ABI2: variants seen among roughly 807,000 people sequenced by gnomAD.
The protein encoded by ABI2 is abelson interactor 2.
ABI2 carries 25 observed loss-of-function variants against 59.2 expected under a neutral mutation model. The ratio of observed to expected loss-of-function variants is 0.42; its 90% CI spans 0.31 to 0.59. ABI2 has a LOEUF of 0.59. Among genes scored for constraint, ABI2 ranks in the 20% least tolerant of loss-of-function variants. The pLI is 0.14. For missense variants in ABI2, 545 were observed against 681.8 expected, an observed-to-expected ratio of 0.80 and a Z score of 2.23; for synonymous variants, 213 against 235.5, an observed-to-expected ratio of 0.90 and a Z score of 0.87.
chr2:203,329,957 G>C (rs182625459), intron 1 of ABI2, among the ~76,000 whole-genome samples: 1 of 152,158 alleles, frequency 6.6e-6, no homozygotes, highest in East Asian at 1.9e-4. Context: ...GACTGGTCTC[G>C]AACTCCTGAC....
intron 1 of ABI2, among the ~76,000 whole-genome samples, chr2:203,347,096 G>T (rs1247906657): frequency 6.6e-6 from 1 of 152,170 alleles, no homozygotes; most frequent in African/African-American, 2.4e-5. Context: ...GCCCTAACAT[G>T]TGCATCAGGT....
intron 1 of ABI2, among the ~76,000 whole-genome samples, chr2:203,362,512 A>G (rs1053559229): frequency 6.6e-6 from 1 of 151,700 alleles, no homozygotes; most frequent in African/African-American, 2.4e-5. Context: ...TTCTACTGGT[A>G]TTTTATTTAT....
chr2:203,337,599 C>G (rs761521136), intron 1 of ABI2, among the ~76,000 whole-genome samples: 2 of 152,190 alleles, frequency 1.3e-5, no homozygotes, highest in Non-Finnish European at 2.9e-5. Flanking sequence ...CAATCTCTAT[C>G]AATATTCCAA....
intron 10 of ABI2, 84 bp from the exon 11 acceptor site, chr2:203,416,824 T>C (rs2097912541): frequency 8.7e-6 from 12 of 1,377,162 alleles, no homozygotes; most frequent in Non-Finnish European, 1.1e-5. Flanking sequence ...TCTAGGTTTA[T>C]ATTCCATGAA....
intron 1 of ABI2, among the ~76,000 whole-genome samples, chr2:203,333,811 C>T (rs948154654): frequency 3.3e-5 from 5 of 152,150 alleles, no homozygotes; most frequent in Admixed American, 6.6e-5. Context: ...TCATAATTTC[C>T]GTTATTGATC....
At chr2:203,358,113 GTTTGTT>G (rs375216747) in intron 1 of ABI2, among the ~76,000 whole-genome samples, 71 of 92,630 alleles carry the variant, frequency 7.7e-4, no homozygotes, top group Middle Eastern at 5.4e-3. Flanking sequence ...GTGTGTGTGT[GTTTGTT>G]TGTTTGTTTG....
chr2:203,356,998 TA>T (rs1188296881), intron 1 of ABI2, among the ~76,000 whole-genome samples: 1 of 151,788 alleles, frequency 6.6e-6, no homozygotes, highest in Non-Finnish European at 1.5e-5. Context: ...AAAAGAAAAC[TA>T]AAAAACGATT....
At chr2:203,419,063 A>C (rs2098053209) in intron 11 of ABI2, among the ~76,000 whole-genome samples, 1 of 151,566 alleles carries the variant, frequency 6.6e-6, no homozygotes, top group South Asian at 2.1e-4. Context: ...ATGTCAACCC[A>C]GTGTTCTTTA....
chr2:203,373,323 C>T (rs1049667431), intron 2 of ABI2, among the ~76,000 whole-genome samples: 5 of 152,236 alleles, frequency 3.3e-5, no homozygotes, highest in East Asian at 1.9e-4. Context: ...ACCAGTCAGG[C>T]GTGGCGGCGC....
At chr2:203,332,879 C>T (rs1158313115) in intron 1 of ABI2, among the ~76,000 whole-genome samples, 2 of 152,140 alleles carry the variant, frequency 1.3e-5, no homozygotes, top group African/African-American at 4.8e-5. Context: ...TGACAGTTCA[C>T]ATAGATGCAT....
At chr2:203,385,762 A>T (rs1297256927) in intron 4 of ABI2, among the ~76,000 whole-genome samples, 3 of 152,328 alleles carry the variant, frequency 2.0e-5, no homozygotes, top group African/African-American at 7.2e-5. Flanking sequence ...TCCAACCTTA[A>T]GCCATCAATT....
chr2:203,364,044 G>T (rs748027386), intron 1 of ABI2, among the ~76,000 whole-genome samples: 3 of 151,320 alleles, frequency 2.0e-5, no homozygotes, highest in Non-Finnish European at 4.4e-5. Flanking sequence ...AATTATAGGC[G>T]TGAGCCATGG....
At chr2:203,356,473 A>T (rs150442479) in intron 1 of ABI2, among the ~76,000 whole-genome samples, 1 of 151,966 alleles carries the variant, frequency 6.6e-6, no homozygotes, top group Non-Finnish European at 1.5e-5. Context: ...GGTTTGAGCA[A>T]TTCTCCTGCC....
At chr2:203,409,432 A>G (rs946532893) in intron 9 of ABI2, among the ~76,000 whole-genome samples, 3 of 152,156 alleles carry the variant, frequency 2.0e-5, no homozygotes, top group Non-Finnish European at 2.9e-5. Flanking sequence ...AACTGTAGAT[A>G]TTTTGCATAA....
At chr2:203,419,386 C>T (rs1281767569) in intron 11 of ABI2, among the ~76,000 whole-genome samples, 7 of 146,476 alleles carry the variant, frequency 4.8e-5, no homozygotes, top group African/African-American at 1.8e-4. Context: ...GCGTGAGCCA[C>T]GAGGCAGAGT....
chr2:203,402,171 A>G (rs4675338), intron 8 of ABI2, among the ~76,000 whole-genome samples: 9,384 of 152,044 alleles, frequency 0.062, 408 homozygotes, highest in Admixed American at 0.083. Context: ...AGTAGCTGGA[A>G]TTACAGGCGC....
chr2:203,341,900 T>C (rs1442980611), intron 1 of ABI2, among the ~76,000 whole-genome samples: 2 of 152,190 alleles, frequency 1.3e-5, no homozygotes, highest in Non-Finnish European at 2.9e-5. Flanking sequence ...AGTTACTTAG[T>C]GCAGGACTTA....
chr2:203,363,468 A>C (rs2093837521), intron 1 of ABI2, among the ~76,000 whole-genome samples: 2 of 144,082 alleles, frequency 1.4e-5, no homozygotes, highest in Admixed American at 7.0e-5. Context: ...CTTTCCCCCT[A>C]CTCCCCACTC....
intron 3 of ABI2, 129 bp downstream of exon 3, chr2:203,380,513 G>A: frequency 1.8e-6 from 1 of 542,032 alleles, no homozygotes; most frequent in Non-Finnish European, 3.0e-6. Context: ...TGGTTGTGAA[G>A]ATTCCTTGCT....
Sources: gnomAD v4.1 joint callset for allele counts (sites outside exome capture counted in the v4.1 genomes callset) on GRCh38, gnomAD v4.1.1 for gene constraint, MANE v1.5 for transcripts, NCBI Gene and HGNC (gene_info 2026-07-23, HGNC 2026-07-21) for gene names.